GALNT17: variants seen among roughly 807,000 people sequenced by gnomAD.
The protein encoded by GALNT17 is polypeptide N-acetylgalactosaminyltransferase 17.
GALNT17 carries 29 observed loss-of-function variants against 63.7 expected under a neutral mutation model. The ratio of observed to expected loss-of-function variants is 0.46; its 90% CI spans 0.34 to 0.62. GALNT17 has a LOEUF of 0.62. GALNT17 is among the 20% of genes least tolerant of loss of function. The pLI, the probability that GALNT17 is intolerant of heterozygous loss-of-function variation, is 0.01. For synonymous variants in GALNT17, 305 were observed against 318.3 expected (o/e 0.96, Z 0.45); for missense variants, 603 against 799.6 (o/e 0.75, Z 2.97).
intron 1 of GALNT17, among the ~76,000 whole-genome samples, chr7:71,301,900 C>A (rs900378316): frequency 5.4e-4 from 82 of 152,034 alleles, no homozygotes; most frequent in Non-Finnish European, 2.5e-4. Context: ...AGGTGAAGAA[C>A]CTGCTATTGA....
intron 1 of GALNT17, among the ~76,000 whole-genome samples, chr7:71,197,492 GAC>G (rs1323032088): frequency 6.6e-6 from 1 of 151,868 alleles, no homozygotes; most frequent in Non-Finnish European, 1.5e-5. Context: ...ACAGGCATGA[GAC>G]ACCGCGCCTG....
chr7:71,368,317 G>A lies in GALNT17; in HGVS notation c.423-19918G>A, dbSNP rs147698629. ...GGTACACTGCTGTCTTCTTTTCCTC[G>A]CCTCAGTCCCTTCCTGAAACATCTA... On this transcript the variant is annotated intron_variant, in intron 2 of 10. Transcript: ENST00000333538. 4.4e-3 allele frequency among the ~76,000 whole-genome samples: 665 copies of A among 152,230 alleles called. 4 individuals are homozygous for A. The highest frequency in any genetic ancestry group is 0.014 in the African/African-American group (597 of 41,542).
intron 2 of GALNT17, among the ~76,000 whole-genome samples, chr7:71,372,794 C>G (rs961597658): frequency 6.6e-6 from 1 of 152,200 alleles, no homozygotes; most frequent in East Asian, 1.9e-4. Flanking sequence ...ATATCATATA[C>G]AGATGTGTAG....
At chr7:71,520,047 A>G (rs1788505102) in intron 5 of GALNT17, among the ~76,000 whole-genome samples, 1 of 152,218 alleles carries the variant, frequency 6.6e-6, no homozygotes, top group Non-Finnish European at 1.5e-5. Flanking sequence ...CTGAGAAACC[A>G]GCAAGAGGCA....
chr7:71,309,274 C>T (rs1791368551), intron 1 of GALNT17, among the ~76,000 whole-genome samples: 1 of 152,128 alleles, frequency 6.6e-6, no homozygotes, highest in African/African-American at 2.4e-5. Context: ...ATCCATGACC[C>T]TTGGCAGTCT....
intron 5 of GALNT17, among the ~76,000 whole-genome samples, chr7:71,520,477 C>T (rs975091710): frequency 6.6e-5 from 10 of 151,940 alleles, no homozygotes; most frequent in East Asian, 5.8e-4. Flanking sequence ...GAGCTGAGAT[C>T]GCGCCACTGC....
At chr7:71,467,223 G>A (rs758195554) in intron 5 of GALNT17, among the ~76,000 whole-genome samples, 10 of 152,130 alleles carry the variant, frequency 6.6e-5, no homozygotes, top group East Asian at 1.9e-4. Context: ...CACAGCAGTC[G>A]TAGCTCTGGG....
At chr7:71,261,048 C>T (rs902837218) in intron 1 of GALNT17, among the ~76,000 whole-genome samples, 3 of 152,180 alleles carry the variant, frequency 2.0e-5, no homozygotes, top group Non-Finnish European at 4.4e-5. Flanking sequence ...CAGGGATTCC[C>T]CTATGTGTGC....
chr7:71,494,738 C>A (rs1359781988), intron 5 of GALNT17, among the ~76,000 whole-genome samples: 1 of 151,652 alleles, frequency 6.6e-6, no homozygotes, highest in Non-Finnish European at 1.5e-5. Context: ...TGAGACTGGG[C>A]AATTTATAAA....
At chr7:71,258,810 T>G (rs1361264576) in intron 1 of GALNT17, among the ~76,000 whole-genome samples, 2 of 152,228 alleles carry the variant, frequency 1.3e-5, no homozygotes, top group African/African-American at 4.8e-5. Flanking sequence ...CCTGAATGCT[T>G]GGGAAAACCT....
rs1317693310 is a variant in GALNT17, at chr7:71,615,393, G to T, written c.1080+43991G>T. The stretch of plus-strand genomic sequence containing the variant: ...GATACTGAGATCATGGGCCCCAGAT[G>T]TGGCTTTTCCAGCCTGTGCAGTAAA... On this transcript the variant is annotated intron_variant, in intron 6 of 10. Coordinates refer to ENST00000333538, the MANE Select transcript of GALNT17 (RefSeq NM_022479.3). Among the ~76,000 whole-genome samples, 6 of 151,086 alleles carry T rather than the reference G, an allele frequency of 4.0e-5. No individual in the cohort carries two copies. In the East Asian group the frequency reaches 1.2e-3, roughly 29 times the overall value.
intron 3 of GALNT17, among the ~76,000 whole-genome samples, chr7:71,410,294 A>G (rs963897710): frequency 2.7e-5 from 4 of 149,212 alleles, no homozygotes; most frequent in South Asian, 4.2e-4. Flanking sequence ...TGCCCAGGCT[A>G]TAGTGCAGTG....
chr7:71,400,488 A>C (rs1032197205), intron 3 of GALNT17, among the ~76,000 whole-genome samples: 1 of 152,214 alleles, frequency 6.6e-6, no homozygotes, highest in Non-Finnish European at 1.5e-5. Flanking sequence ...ATTTTACATT[A>C]TATAGTCAAA....
chr7:71,682,192 G>A (rs1791277152), intron 9 of GALNT17, among the ~76,000 whole-genome samples: 1 of 152,132 alleles, frequency 6.6e-6, no homozygotes, highest in Non-Finnish European at 1.5e-5. Context: ...CTCGCAAAGT[G>A]CTGGGATTAC....
rs906683944 is a variant in GALNT17, at chr7:71,132,411, C to T, written c.-392C>T. ...CCTGTGCGCCGCTCCCTCTGTGCCT[C>T]CCGGGCAGCCCCGCCTGCCGGCCTC... is the stretch of plus-strand genomic sequence containing the variant. On this transcript the variant is annotated 5_prime_UTR_variant, in exon 1 of 11. Coordinates refer to ENST00000333538, the MANE Select transcript of GALNT17 (RefSeq NM_022479.3). 3 of 158,690 alleles carry T rather than the reference C, an allele frequency of 1.9e-5. No homozygotes were observed. Among genetic ancestry groups the T allele is most frequent in the African/African-American group, 7.2e-5 (3 of 41,718 alleles). 9.8% of individuals were successfully genotyped at this position (158,690 alleles called of 1,614,324 possible).
chr7:71,197,704 C>G (rs566812137), intron 1 of GALNT17, among the ~76,000 whole-genome samples: 17 of 152,180 alleles, frequency 1.1e-4, no homozygotes, highest in Admixed American at 9.8e-4. Context: ...CAATGATTAT[C>G]TTTCTGTGCC....
intron 1 of GALNT17, among the ~76,000 whole-genome samples, chr7:71,155,383 T>C (rs1007774745): frequency 2.6e-5 from 4 of 151,600 alleles, no homozygotes; most frequent in Non-Finnish European, 5.9e-5. Context: ...AAGCAATTCT[T>C]GTGCCTTAGC....
Position 71,207,924 on chromosome 7 carries a change from TTTTTTTC to T in GALNT17, c.238+74898_238+74904del, listed in dbSNP as rs1461716441. Among the ~76,000 whole-genome samples the T allele has an allele frequency of 1.5e-3, 233 of 151,960 alleles. 2 individuals are homozygous for T. Among genetic ancestry groups the T allele is most frequent in the Admixed American group, 3.8e-3 (58 of 15,276 alleles). On this transcript the variant is annotated intron_variant, in intron 1 of 10. Transcript: ENST00000333538. ...AATGAGGTGGACATGTGCCTGTAAT[TTTTTTTC>T]TTTTTTCTTTTTTTTTTTTTTGAGA... is the stretch of plus-strand genomic sequence containing the variant.
intron 5 of GALNT17, among the ~76,000 whole-genome samples, chr7:71,516,095 G>T (rs932097993): frequency 6.6e-6 from 1 of 152,068 alleles, no homozygotes; most frequent in Non-Finnish European, 1.5e-5. Context: ...AGTGAGATAC[G>T]CATTGGACTC....
Sources: allele counts gnomAD v4.1 joint callset (sites outside exome capture counted in the v4.1 genomes callset), GRCh38; gene constraint gnomAD v4.1.1; transcripts MANE v1.5; gene names NCBI Gene and HGNC (gene_info 2026-07-23, HGNC 2026-07-21).